VIL1: variants seen among roughly 807,000 people sequenced by gnomAD.
VIL1 encodes the protein villin-1.
In VIL1, 86 loss-of-function variants were observed where a neutral mutation model predicts 104.0. The observed-to-expected ratio is 0.83, with a 90% confidence interval of 0.69 to 0.99. VIL1 has a LOEUF of 0.99. Ranked by LOEUF, VIL1 falls within the 50% of genes least tolerant of loss-of-function variation. The pLI is 0.00. For synonymous variants in VIL1, 394 were observed against 412.6 expected (o/e 0.95, Z 0.55); for missense variants, 944 against 1,054.1 (o/e 0.90, Z 1.45).
chr2:218,430,872 T>C lies in VIL1; in HGVS notation c.1096T>C (p.Ser366Pro). The change falls in exon 10 of 20, where the codon TCC (serine) becomes CCC (proline). Residue 366 changes from serine to proline, a missense_variant. Ser to Pro is a moderately conservative substitution (Grantham distance 74). Coordinates refer to ENST00000248444, the MANE Select transcript of VIL1 (RefSeq NM_007127.3). ...SGLGKTHTVG[S>P]VAKVEQVKFD... ...CCTAGGCAAAACCCACACTGTGGGC[T>C]CCGTGGGTGAGGGCCAGGCGGGGGC... The C allele has an allele frequency of 1.9e-6, 3 of 1,612,840 alleles. No homozygotes were observed. Among genetic ancestry groups the C allele is most frequent in the East Asian group, 2.2e-5 (1 of 44,824 alleles).
Position 218,428,410 on chromosome 2 carries a change from C to G in VIL1, c.567+73C>G. 5 of 1,331,730 alleles carry G rather than the reference C, an allele frequency of 3.8e-6. No individual in the cohort carries two copies. The South Asian group carries it at 5.9e-5, about 16-fold the overall frequency. The allele number at this position is 1,331,730 out of a possible 1,614,324, so 82.5% of individuals were successfully genotyped here. Reference sequence around the variant, plus strand: ...CCCACCTGCTCCTTTCCCCAGGCCTCTCCCCGCTGACTGCTGGGGACAGCA... The same window carrying G: ...CCCACCTGCTCCTTTCCCCAGGCCTGTCCCCGCTGACTGCTGGGGACAGCA... On this transcript the variant is annotated intron_variant, in intron 6 of 19. Transcript: ENST00000248444.
rs765933317 is a variant in VIL1 at position 218,435,367 on chromosome 2, G to C, written c.1759G>C (p.Glu587Gln). Residue 587 changes from glutamate to glutamine, a missense_variant, in exon 15 of 20, where the codon GAA (glutamate) becomes CAA (glutamine). By Grantham distance (29) the Glu-to-Gln change is conservative (BLOSUM62 2). Coordinates refer to ENST00000248444, the MANE Select transcript of VIL1 (RefSeq NM_007127.3). Reference sequence around the variant, plus strand: ...CCGGACGGAGAAGCAAGTGGTGGTGGAAGGGCAGGAGCCAGCCAACTTCTG... The same window carrying C: ...CCGGACGGAGAAGCAAGTGGTGGTGCAAGGGCAGGAGCCAGCCAACTTCTG... Reference protein sequence around the residue: ...ISRTEKQVVVEGQEPANFWMA... With the variant: ...ISRTEKQVVVQGQEPANFWMA... 8.7e-6 allele frequency: 14 copies of C among 1,614,174 alleles called. No homozygotes were observed. In the South Asian group the frequency reaches 1.4e-4, roughly 16 times the overall value.
chr2:218,440,985 T>G, intron 19 of VIL1, 123 bp downstream of exon 19: 1 of 1,141,318 alleles, frequency 8.8e-7, no homozygotes, highest in Non-Finnish European at 1.2e-6. Context: ...GGATCCTGCC[T>G]TCATGCCACC....
chr2:218,429,872 G>C lies in VIL1; in HGVS notation c.873G>C (p.Gly291=), dbSNP rs1191257631. 1.9e-6 allele frequency: 3 copies of C among 1,613,854 alleles called. No individual in the cohort carries two copies. The African/African-American group carries it at 4.0e-5, about 22-fold the overall frequency. ...SHEDCYILDQ[G]GLKIYVWKGK... ...AGGACTGTTACATCCTGGACCAGGG[G>C]GGCCTGAAGATCTACGTGTGGAAAG... Residue 291 remains glycine (G), a synonymous_variant, in exon 9 of 20, where the codon GGG becomes GGC. Transcript: ENST00000248444.
Position 218,428,424 on chromosome 2 carries a change from C to A in VIL1, c.567+87C>A. On this transcript the variant is annotated intron_variant, in intron 6 of 19. Coordinates refer to ENST00000248444, the MANE Select transcript of VIL1 (RefSeq NM_007127.3). Reference sequence around the variant, plus strand: ...TCCCCAGGCCTCTCCCCGCTGACTGCTGGGGACAGCATGTTTGAAGGTGGC... The same window carrying A: ...TCCCCAGGCCTCTCCCCGCTGACTGATGGGGACAGCATGTTTGAAGGTGGC... 2.6e-6 allele frequency: 3 copies of A among 1,154,794 alleles called. No homozygotes were observed. In the South Asian group the frequency reaches 3.8e-5, roughly 14 times the overall value. 71.5% of individuals were successfully genotyped at this position (1,154,794 alleles called of 1,614,324 possible).
At position 218,429,501 on chromosome 2, in the gene VIL1, G is replaced by A. The variant is rs371654002; in HGVS notation, c.770+14G>A. The A allele has an allele frequency of 3.3e-5, 53 of 1,613,444 alleles. No individual in the cohort carries two copies. In the African/African-American group the frequency reaches 4.9e-4, roughly 15 times the overall value. Reference sequence around the variant, plus strand: ...CAAACTGTACCAGTGAGCGCCCAGCGGGGTCTTCCTGGGTGCTGGGGACTC... The same window carrying A: ...CAAACTGTACCAGTGAGCGCCCAGCAGGGTCTTCCTGGGTGCTGGGGACTC... On this transcript the variant is annotated intron_variant, in intron 7 of 19. Coordinates refer to ENST00000248444, the MANE Select transcript of VIL1 (RefSeq NM_007127.3).
intron 19 of VIL1, among the ~76,000 whole-genome samples, chr2:218,444,709 T>G (rs1311271294): frequency 1.3e-5 from 2 of 152,316 alleles, no homozygotes; most frequent in Non-Finnish European, 2.9e-5. Context: ...GGTGAGCCAG[T>G]GACAACAGTG....
intron 18 of VIL1, among the ~76,000 whole-genome samples, chr2:218,439,844 A>G (rs1380478065): frequency 2.0e-5 from 3 of 151,734 alleles, no homozygotes; most frequent in East Asian, 3.9e-4. Context: ...AAAACCCGAA[A>G]AAAGAAAAGA....
At position 218,453,250 on chromosome 2, in the gene VIL1, T is replaced by G. The variant is rs2106400966; in HGVS notation, c.*3914T>G. ...CATCTTCTGTGATGATGGTTTGTGTTTTTTTTGTTTTTGTTTTCGTTTTTT... is the reference window on the plus strand; with the variant it reads ...CATCTTCTGTGATGATGGTTTGTGTGTTTTTTGTTTTTGTTTTCGTTTTTT... On this transcript the variant is annotated 3_prime_UTR_variant, in exon 20 of 20. Transcript: ENST00000248444. 1 of 145,408 alleles carries G rather than the reference T, an allele frequency of 6.9e-6. No homozygotes were observed. Among genetic ancestry groups the G allele is most frequent in the East Asian group, 1.9e-4 (1 of 5,174 alleles). The allele number at this position is 145,408 out of a possible 1,614,324, so 9.0% of individuals were successfully genotyped here. A position where few individuals can be genotyped will look rare whatever the true frequency, so the allele number is the denominator to read the frequency against.
intron 6 of VIL1, among the ~76,000 whole-genome samples, chr2:218,428,991 T>G (rs1689048055): frequency 1.3e-5 from 2 of 152,168 alleles, no homozygotes; most frequent in African/African-American, 4.8e-5. Context: ...GCTCAGCTCG[T>G]GTCCCGAACT....
intron 14 of VIL1, 148 bp downstream of exon 14, chr2:218,434,853 C>T (rs896027447): frequency 3.8e-6 from 3 of 796,170 alleles, no homozygotes; most frequent in Non-Finnish European, 5.9e-6. Context: ...CCAGTCTCTC[C>T]CTCCTCAGTA....
chr2:218,424,720 G>A (rs1049326081), intron 3 of VIL1, among the ~76,000 whole-genome samples: 5 of 151,256 alleles, frequency 3.3e-5, no homozygotes, highest in Non-Finnish European at 7.4e-5. Flanking sequence ...GCAGTGGAGC[G>A]ACCTCGGCTC....
At chr2:218,425,955 G>C (rs1688974182) in intron 4 of VIL1, 144 bp downstream of exon 4, 1 of 867,162 alleles carries the variant, frequency 1.2e-6, no homozygotes, top group Non-Finnish European at 1.7e-6. Flanking sequence ...ACCTGGGGCG[G>C]GGAAGGGACC....
At position 218,425,767 on chromosome 2, in the gene VIL1, C is replaced by T; in HGVS notation, c.303C>T (p.Gly101=). 6.2e-7 allele frequency: 1 copy of T among 1,613,704 alleles called. No homozygotes were observed. Among genetic ancestry groups the T allele is most frequent in the Non-Finnish European group, 8.5e-7 (1 of 1,179,758 alleles). The part of the protein sequence containing the change: ...GRAVQHREVQ[G]NESEAFRGYF... Reference sequence around the variant, plus strand: ...CTGTGCAGCACCGCGAGGTCCAGGGCAACGAGAGCGAGGCCTTCCGAGGCT... The same window carrying T: ...CTGTGCAGCACCGCGAGGTCCAGGGTAACGAGAGCGAGGCCTTCCGAGGCT... Residue 101 remains glycine (G), a synonymous_variant, in exon 4 of 20, where the codon GGC becomes GGT. Coordinates refer to ENST00000248444, the MANE Select transcript of VIL1 (RefSeq NM_007127.3).
chr2:218,420,201 G>T (rs1312967112), intron 1 of VIL1, among the ~76,000 whole-genome samples: 1 of 152,062 alleles, frequency 6.6e-6, no homozygotes, highest in Non-Finnish European at 1.5e-5. Flanking sequence ...AGGCCAAGTG[G>T]GGTGGATCAC....
At chr2:218,434,197 C>T (rs868562967) in intron 13 of VIL1, among the ~76,000 whole-genome samples, 3 of 92,122 alleles carry the variant, frequency 3.3e-5, no homozygotes, top group African/African-American at 7.9e-5. Flanking sequence ...AACTCCGTCT[C>T]AAAAAAAAAA....
rs1436442516 is a variant in VIL1, at chr2:218,451,867, G to C, written c.*2531G>C. 6.6e-6 allele frequency: 1 copy of C among 152,626 alleles called. No homozygotes were observed. The highest frequency in any genetic ancestry group is 1.9e-4 in the East Asian group (1 of 5,196). 9.5% of individuals were successfully genotyped at this position (152,626 alleles called of 1,614,324 possible). ...GCCCAGAATGAACAGACCATAGCAA[G>C]TAAACAAATAATTTTTAGAATCAAA... is the stretch of plus-strand genomic sequence containing the variant. On this transcript the variant is annotated 3_prime_UTR_variant, in exon 20 of 20. Transcript: ENST00000248444.
intron 3 of VIL1, 32 bp downstream of exon 3, chr2:218,424,383 G>C (rs568524848): frequency 6.2e-7 from 1 of 1,608,828 alleles, no homozygotes. Flanking sequence ...GGGCTGAGCA[G>C]AGAGCAAAAC....
At chr2:218,430,949 C>A (rs763384912) in intron 10 of VIL1, 71 bp downstream of exon 10, 1 of 1,549,438 alleles carries the variant, frequency 6.5e-7, no homozygotes. Flanking sequence ...CTTGGTCCAC[C>A]ACCCACCCTC....
Sources: allele counts gnomAD v4.1 joint callset (sites outside exome capture counted in the v4.1 genomes callset), GRCh38; gene constraint gnomAD v4.1.1; transcripts MANE v1.5; gene names NCBI Gene and HGNC (gene_info 2026-07-23, HGNC 2026-07-21).